Variants in DBF4 observed in about 807,000 individuals in gnomAD.
DBF4 encodes the protein protein DBF4 homolog A.
DBF4 carries 25 observed loss-of-function variants against 76.6 expected under a neutral mutation model. The ratio of observed to expected loss-of-function variants is 0.33; its 90% CI spans 0.24 to 0.46. The LOEUF is 0.46. Among genes scored for constraint, DBF4 ranks in the 20% least tolerant of loss-of-function variants. The probability of loss-of-function intolerance (pLI) is 1.00; values close to 1 mark genes in which losing one functional copy is unlikely to be tolerated. For synonymous variants in DBF4, 213 were observed against 258.0 expected (o/e 0.83, Z 1.67); for missense variants, 638 against 760.8 (o/e 0.84, Z 1.90).
At chr7:87,890,266 T>G (rs993415962) in intron 6 of DBF4, among the ~76,000 whole-genome samples, 1 of 152,194 alleles carries the variant, frequency 6.6e-6, no homozygotes, top group Non-Finnish European at 1.5e-5. Context: ...GGGCTAAGCA[T>G]GGAGGCTTAT....
At chr7:87,900,694 G>A in intron 9 of DBF4, 70 bp from the exon 10 acceptor site, 1 of 1,273,974 alleles carries the variant, frequency 7.8e-7, no homozygotes, top group South Asian at 1.3e-5. Context: ...TGATAGTTTA[G>A]GACAATAAAT....
chr7:87,905,055 A>C (rs1839885479), intron 11 of DBF4, among the ~76,000 whole-genome samples: 1 of 152,150 alleles, frequency 6.6e-6, no homozygotes, highest in Non-Finnish European at 1.5e-5. Flanking sequence ...GGTACAAAAG[A>C]TTCTCATGCC....
At chr7:87,878,360 C>A (rs1393310827) in intron 2 of DBF4, 135 bp downstream of exon 2, 2 of 700,592 alleles carry the variant, frequency 2.9e-6, no homozygotes, top group Admixed American at 3.3e-5. Flanking sequence ...AGCTGTTTAT[C>A]GTTAACAAAA....
chr7:87,889,538 C>G (rs967126322), intron 6 of DBF4, among the ~76,000 whole-genome samples: 9 of 152,116 alleles, frequency 5.9e-5, no homozygotes, highest in Admixed American at 2.0e-4. Context: ...CCTCAGCCTC[C>G]CAAAGTGCTG....
At chr7:87,897,451 A>C (rs1203499035) in intron 8 of DBF4, 112 bp downstream of exon 8, 2 of 957,558 alleles carry the variant, frequency 2.1e-6, no homozygotes, top group Non-Finnish European at 3.2e-6. Flanking sequence ...TGTTTGATTT[A>C]TATTATACTA....
Position 87,907,557 on chromosome 7 carries a change from C to G in DBF4, c.1419C>G (p.Asp473Glu). Residue 473 changes from aspartate (D) to glutamate (E), a missense_variant, in exon 12 of 12, where the codon GAC becomes GAG. Coordinates refer to ENST00000265728, the MANE Select transcript of DBF4 (RefSeq NM_006716.4). ...CCGAACACACATTAAGTGAAAATGA[C>G]TTAGAAGAACTAAGGGTAGATCACT... Reference protein sequence around the residue: ...DISEHTLSENDLEELRVDHYK... With the variant: ...DISEHTLSENELEELRVDHYK... 6.2e-7 allele frequency: 1 copy of G among 1,614,090 alleles called. No individual in the cohort carries two copies. The highest frequency in any genetic ancestry group is 8.5e-7 in the Non-Finnish European group (1 of 1,179,960).
rs180937525 is a variant in DBF4 at position 87,878,476 on chromosome 7, A to C, written c.219+251A>C. 1,837 of 331,894 alleles carry C rather than the reference A, an allele frequency of 5.5e-3. 12 individuals are homozygous for C. Among genetic ancestry groups the C allele is most frequent in the Non-Finnish European group, 6.2e-3 (1,141 of 183,288 alleles). 20.6% of individuals were successfully genotyped at this position (331,894 alleles called of 1,614,324 possible). On this transcript the variant is annotated intron_variant, in intron 2 of 11. Transcript: ENST00000265728. ...TGTAAGACTCCCCTGTCCTAGTGGA[A>C]CTGCTCATTGACTGCTTACTGTAAT...
At chr7:87,892,580 A>C (rs546791901) in intron 6 of DBF4, among the ~76,000 whole-genome samples, 2 of 152,178 alleles carry the variant, frequency 1.3e-5, no homozygotes, top group African/African-American at 4.8e-5. Flanking sequence ...CATATTGTCA[A>C]CTCATTTGGG....
chr7:87,896,553 A>G (rs1839644322), intron 7 of DBF4, 43 bp downstream of exon 7: 2 of 1,543,112 alleles, frequency 1.3e-6, no homozygotes, highest in Middle Eastern at 1.9e-4. Flanking sequence ...TTTGCATTTG[A>G]AAAATCATAA....
chr7:87,884,306 C>T (rs949091883), intron 2 of DBF4, among the ~76,000 whole-genome samples: 3 of 152,160 alleles, frequency 2.0e-5, no homozygotes, highest in African/African-American at 7.2e-5. Flanking sequence ...GTAGGAGGCT[C>T]TCTTGAGCCC....
rs778253160 is a variant in DBF4 at position 87,887,389 on chromosome 7, C to T, written c.511C>T (p.His171Tyr). The change falls in exon 5 of 12, where the codon CAT becomes TAT. Residue 171 changes from histidine to tyrosine, a missense_variant. Coordinates refer to ENST00000265728, the MANE Select transcript of DBF4 (RefSeq NM_006716.4). ...CTTGTCATGGGGAGTAAAAATTCTT[C>T]ATATTGATGGTAAGGATTTTATAAT... is the stretch of plus-strand genomic sequence containing the variant. Reference protein sequence around the residue: ...NALSWGVKILHIDDIRYYIEQ... With the variant: ...NALSWGVKILYIDDIRYYIEQ... 5 of 1,569,046 alleles carry T rather than the reference C, an allele frequency of 3.2e-6. No homozygotes were observed. In the South Asian group the frequency reaches 5.6e-5, roughly 18 times the overall value.
chr7:87,886,707 C>T (rs1157852997), intron 3 of DBF4, 137 bp from the exon 4 acceptor site: 2 of 606,684 alleles, frequency 3.3e-6, no homozygotes, highest in Admixed American at 3.5e-5. Context: ...GAATTTACTA[C>T]AAAACCAAAG....
At position 87,887,311 on chromosome 7, in the gene DBF4, A is replaced by T. The variant is rs1562759171; in HGVS notation, c.451-18A>T. ...TAAATAATTTCCTAGAACAACCATA[A>T]AACTTTTTTTTTTACAGGATTTTAT... On this transcript the variant is annotated intron_variant, in intron 4 of 11. Transcript: ENST00000265728. 6.8e-7 allele frequency: 1 copy of T among 1,480,960 alleles called. No individual in the cohort carries two copies. Among genetic ancestry groups the T allele is most frequent in the Non-Finnish European group, 9.2e-7 (1 of 1,089,844 alleles). 91.7% of individuals were successfully genotyped at this position (1,480,960 alleles called of 1,614,324 possible).
At chr7:87,906,860 TTAC>T (rs1386084462) in intron 11 of DBF4, among the ~76,000 whole-genome samples, 1 of 152,138 alleles carries the variant, frequency 6.6e-6, no homozygotes, top group Non-Finnish European at 1.5e-5. Context: ...TCAAATCCCT[TTAC>T]TATCAATTTC....
At chr7:87,894,566 C>G (rs1839582248) in intron 6 of DBF4, among the ~76,000 whole-genome samples, 1 of 152,210 alleles carries the variant, frequency 6.6e-6, no homozygotes, top group African/African-American at 2.4e-5. Flanking sequence ...TACAGGTTTT[C>G]TTCGGATATA....
intron 6 of DBF4, among the ~76,000 whole-genome samples, chr7:87,891,250 T>C (rs1031598183): frequency 1.3e-5 from 2 of 151,834 alleles, no homozygotes; most frequent in Admixed American, 6.6e-5. Context: ...GGAATATTGG[T>C]CTTTTTCTTT....
intron 6 of DBF4, chr7:87,888,353 T>C: frequency 1.0e-5 from 10 of 970,716 alleles, no homozygotes; most frequent in Non-Finnish European, 1.2e-5. Context: ...CAGCCTGTTG[T>C]ATAAACGTTC....
intron 10 of DBF4, among the ~76,000 whole-genome samples, chr7:87,903,380 T>A (rs1030167035): frequency 1.3e-5 from 2 of 152,082 alleles, no homozygotes; most frequent in African/African-American, 4.8e-5. Flanking sequence ...CGCCCAGTGG[T>A]TTTGACTGCT....
At chr7:87,896,534 T>C in intron 7 of DBF4, 24 bp downstream of exon 7, 2 of 1,604,682 alleles carry the variant, frequency 1.2e-6, no homozygotes, top group Non-Finnish European at 1.7e-6. Context: ...GATCTTTAAG[T>C]GTATTTGGTT....
Sources: gnomAD v4.1 joint callset for allele counts (sites outside exome capture counted in the v4.1 genomes callset) on GRCh38, gnomAD v4.1.1 for gene constraint, MANE v1.5 for transcripts, NCBI Gene and HGNC (gene_info 2026-07-23, HGNC 2026-07-21) for gene names.